PLCH2: variants seen among roughly 807,000 people sequenced by gnomAD.
PLCH2 encodes phospholipase C eta 2.
PLCH2 carries 98 observed loss-of-function variants against 134.7 expected under a neutral mutation model. The ratio of observed to expected loss-of-function variants is 0.73; its 90% CI spans 0.62 to 0.86. The LOEUF is 0.86. PLCH2 is among the 40% of genes least tolerant of loss of function. The pLI is 0.00. For synonymous variants in PLCH2, 974 were observed against 827.5 expected (o/e 1.18, Z -3.04); for missense variants, 1,994 against 1,986.6 (o/e 1.00, Z -0.07).
chr1:2,489,670 C>A (rs1021774470), intron 9 of PLCH2, 90 bp from the exon 10 acceptor site: 218 of 1,065,626 alleles, frequency 2.0e-4, no homozygotes, highest in Non-Finnish European at 3.0e-4. Flanking sequence ...AAAGGCCCCT[C>A]TCCTTGGCCG....
chr1:2,473,852 T>C (rs1452077244), upstream of PLCH2, among the ~76,000 whole-genome samples: 1 of 152,214 alleles, frequency 6.6e-6, no homozygotes, highest in Admixed American at 6.5e-5. Flanking sequence ...CTGCCGGCCC[T>C]TCCCAGTCTG....
chr1:2,446,067 GT>G (rs1639929945), intron 2 of PLCH2, among the ~76,000 whole-genome samples: 1 of 152,216 alleles, frequency 6.6e-6, no homozygotes, highest in Non-Finnish European at 1.5e-5. Context: ...AGCCCAGAGG[GT>G]CCCTCCCGCT....
At chr1:2,446,589 G>A (rs1639953613) in intron 2 of PLCH2, among the ~76,000 whole-genome samples, 2 of 152,238 alleles carry the variant, frequency 1.3e-5, no homozygotes, top group Non-Finnish European at 2.9e-5. Context: ...AGGGAGGAAG[G>A]GCTCCTGGAG....
chr1:2,476,259 G>A (rs1466585297), upstream of PLCH2: 5 of 249,778 alleles, frequency 2.0e-5, no homozygotes, highest in Non-Finnish European at 3.8e-5. Context: ...ATTAGCACAG[G>A]GATTGGGCCT....
intron 2 of PLCH2, among the ~76,000 whole-genome samples, chr1:2,446,669 G>C (rs962174164): frequency 6.6e-6 from 1 of 152,248 alleles, no homozygotes; most frequent in Admixed American, 6.5e-5. Context: ...CCAGCACAAA[G>C]GGACAAAGGA....
chr1:2,436,548 C>T (rs1468050373), intron 2 of PLCH2, among the ~76,000 whole-genome samples: 1 of 97,764 alleles, frequency 1.0e-5, no homozygotes, highest in African/African-American at 5.0e-5. Context: ...TCCCTCCTCC[C>T]TTCCTCCCTC....
At chr1:2,500,790 C>T (rs1643177195) in intron 20 of PLCH2, 1 of 50,648 alleles carries the variant, frequency 2.0e-5, no homozygotes, top group Non-Finnish European at 4.1e-5. Flanking sequence ...CCCTCCCCTC[C>T]CTCAGTCCTC....
the PLCH2 span, among the ~76,000 whole-genome samples, chr1:2,418,688 C>G: frequency 9.2e-5 from 14 of 152,238 alleles, no homozygotes; most frequent in African/African-American, 3.4e-4. Context: ...GGGTGCCGTC[C>G]TGGACTCCTG....
At chr1:2,442,479 C>T (rs755541277) in intron 2 of PLCH2, among the ~76,000 whole-genome samples, 2 of 152,258 alleles carry the variant, frequency 1.3e-5, no homozygotes, top group Admixed American at 6.5e-5. Context: ...GTGCCCATCT[C>T]GGGCCTCATC....
upstream of PLCH2, among the ~76,000 whole-genome samples, chr1:2,422,444 AGT>A (rs1638566527): frequency 6.6e-6 from 1 of 152,318 alleles, no homozygotes; most frequent in African/African-American, 2.4e-5. Flanking sequence ...CATCTGTCGC[AGT>A]GTGTTTTGGT....
chr1:2,478,339 G>A lies in PLCH2; in HGVS notation c.125-137G>A, dbSNP rs1475427448. 1.7e-5 allele frequency: 18 copies of A among 1,059,884 alleles called. No individual in the cohort carries two copies. In the East Asian group the frequency reaches 2.1e-4, roughly 12 times the overall value. 65.7% of individuals were successfully genotyped at this position (1,059,884 alleles called of 1,614,324 possible). On this transcript the variant is annotated intron_variant, in intron 1 of 21. Coordinates refer to ENST00000378486, the MANE Select transcript of PLCH2 (RefSeq NM_014638.4). Reference sequence around the variant, plus strand: ...CAGGGCGGTGTGGGCGGGGCCGGGCGAGGTGAGGAGTGGCCGTGCCTCCGC... The same window carrying A: ...CAGGGCGGTGTGGGCGGGGCCGGGCAAGGTGAGGAGTGGCCGTGCCTCCGC...
chr1:2,472,685 G>C (rs931704340), upstream of PLCH2, among the ~76,000 whole-genome samples: 1 of 152,180 alleles, frequency 6.6e-6, no homozygotes, highest in African/African-American at 2.4e-5. Context: ...ACACGGGTGG[G>C]CCCAGGGAGG....
chr1:2,433,324 T>G (rs554040642), intron 2 of PLCH2, among the ~76,000 whole-genome samples: 57 of 152,304 alleles, frequency 3.7e-4, no homozygotes, highest in African/African-American at 1.4e-3. Context: ...GCTGGTGGCC[T>G]GGCCTCCCTG....
At chr1:2,452,775 G>A (rs1030206778) in intron 2 of PLCH2, among the ~76,000 whole-genome samples, 1 of 152,212 alleles carries the variant, frequency 6.6e-6, no homozygotes, top group Non-Finnish European at 1.5e-5. Context: ...GGAGGGCCTG[G>A]AGCTTGGCCA....
chr1:2,445,934 C>T (rs1639922278), intron 2 of PLCH2, among the ~76,000 whole-genome samples: 1 of 152,236 alleles, frequency 6.6e-6, no homozygotes, highest in Admixed American at 6.5e-5. Context: ...GCTGCTGTCG[C>T]ACCCACAGTG....
chr1:2,489,648 C>A, intron 9 of PLCH2, 112 bp from the exon 10 acceptor site: 1 of 887,118 alleles, frequency 1.1e-6, no homozygotes, highest in Non-Finnish European at 1.8e-6. Context: ...GATGCCAAAA[C>A]TGAGCTTGAG....
At chr1:2,438,794 C>G (rs968010808) in intron 2 of PLCH2, among the ~76,000 whole-genome samples, 6 of 152,252 alleles carry the variant, frequency 3.9e-5, no homozygotes, top group Non-Finnish European at 8.8e-5. Flanking sequence ...GTCTGCCACC[C>G]TCCCTGTGTG....
chr1:2,419,324 T>C, the PLCH2 span, among the ~76,000 whole-genome samples: 2 of 152,220 alleles, frequency 1.3e-5, no homozygotes, highest in Non-Finnish European at 2.9e-5. Flanking sequence ...TCAGCACCCC[T>C]GGCTCAGCCG....
chr1:2,437,532 G>A (rs1570249135), intron 2 of PLCH2, among the ~76,000 whole-genome samples: 1 of 151,824 alleles, frequency 6.6e-6, no homozygotes, highest in Non-Finnish European at 1.5e-5. Flanking sequence ...ACTCAGCCTG[G>A]GGGTTTCTCT....
Sources: gnomAD v4.1 joint callset for allele counts (sites outside exome capture counted in the v4.1 genomes callset) on GRCh38, gnomAD v4.1.1 for gene constraint, MANE v1.5 for transcripts, NCBI Gene and HGNC (gene_info 2026-07-23, HGNC 2026-07-21) for gene names.